Variants in GPC6 observed in about 807,000 individuals in gnomAD.
The protein encoded by GPC6 is glypican-6.
Under a neutral mutation model 55.2 loss-of-function variants are expected in GPC6, and 14 were observed. The ratio of observed to expected loss-of-function variants is 0.25; its 90% CI spans 0.17 to 0.40. The LOEUF is 0.40. Ranked by LOEUF, GPC6 falls within the 10% of genes least tolerant of loss-of-function variation. GPC6 has a pLI of 1.00. For missense variants in GPC6, 641 were observed against 708.5 expected, an observed-to-expected ratio of 0.90 and a Z score of 1.08; for synonymous variants, 278 against 259.6, an observed-to-expected ratio of 1.07 and a Z score of -0.68.
intron 4 of GPC6, among the ~76,000 whole-genome samples, chr13:94,239,827 C>T (rs1890998683): frequency 6.6e-6 from 1 of 152,038 alleles, no homozygotes; most frequent in Non-Finnish European, 1.5e-5. Flanking sequence ...GTGTTCGGCT[C>T]TCAATCCACT....
chr13:93,900,307 C>T (rs1594571371), intron 3 of GPC6, among the ~76,000 whole-genome samples: 1 of 152,222 alleles, frequency 6.6e-6, no homozygotes, highest in East Asian at 1.9e-4. Flanking sequence ...CAGTTGGCCT[C>T]TTCCATATCT....
intron 3 of GPC6, among the ~76,000 whole-genome samples, chr13:93,954,417 C>T (rs932083812): frequency 1.1e-4 from 16 of 152,066 alleles, no homozygotes; most frequent in Admixed American, 7.9e-4. Context: ...CAGGCTCAAG[C>T]GATCCTCCTG....
intron 2 of GPC6, among the ~76,000 whole-genome samples, chr13:93,737,335 G>A (rs1283797755): frequency 2.0e-5 from 3 of 152,130 alleles, no homozygotes; most frequent in African/African-American, 7.2e-5. Flanking sequence ...TTTGATGAAA[G>A]TGCTTAAGAT....
At position 93,655,741 on chromosome 13, in the gene GPC6, G is replaced by T. The variant is rs542680066; in HGVS notation, c.319+110320G>T. 5.3e-5 allele frequency among the ~76,000 whole-genome samples: 8 copies of T among 152,208 alleles called. No individual in the cohort carries two copies. In the South Asian group the frequency reaches 6.2e-4, roughly 12 times the overall value. On this transcript the variant is annotated intron_variant, in intron 2 of 8. Transcript: ENST00000377047. ...TTTCTGCTAACACCTGCCACAAGTAGAATCTAAAAATGTTACGTTAAATTC... is the reference window on the plus strand; with the variant it reads ...TTTCTGCTAACACCTGCCACAAGTATAATCTAAAAATGTTACGTTAAATTC...
chr13:93,414,779 T>C (rs1319782140), intron 1 of GPC6, among the ~76,000 whole-genome samples: 3 of 152,126 alleles, frequency 2.0e-5, no homozygotes, highest in Non-Finnish European at 4.4e-5. Context: ...GAGATATTTA[T>C]TTCCTAGGCT....
intron 2 of GPC6, among the ~76,000 whole-genome samples, chr13:93,600,957 A>G (rs1008315464): frequency 3.6e-4 from 54 of 150,658 alleles, no homozygotes; most frequent in African/African-American, 1.3e-3. Flanking sequence ...CTCAAAAAAA[A>G]AAAAAAAAAG....
At chr13:93,281,004 G>T (rs1035358875) in intron 1 of GPC6, among the ~76,000 whole-genome samples, 95 of 152,140 alleles carry the variant, frequency 6.2e-4, no homozygotes, top group African/African-American at 2.2e-3. Flanking sequence ...ACTGGTGCTG[G>T]TCTGAGGTCC....
At chr13:93,682,614 G>A (rs770251379) in intron 2 of GPC6, among the ~76,000 whole-genome samples, 2 of 152,068 alleles carry the variant, frequency 1.3e-5, no homozygotes, top group African/African-American at 2.4e-5. Flanking sequence ...CTGGTACTAA[G>A]TAGTTCCTAA....
chr13:93,789,486 T>TC (rs1205034291), intron 2 of GPC6, among the ~76,000 whole-genome samples: 1 of 61,870 alleles, frequency 1.6e-5, no homozygotes, highest in Non-Finnish European at 3.2e-5. Context: ...GAGTGAACTC[T>TC]CTCTCTCTCT....
rs1877037000 is a variant in GPC6 at position 94,324,959 on chromosome 13, G to A, written c.1152+18836G>A. On this transcript the variant is annotated intron_variant, in intron 6 of 8. Transcript: ENST00000377047. ...TTCTCTTGAAGAGACTCCCAGGGCC[G>A]AATGTTCTGTTCCCAGGGGCCTAAC... Among the ~76,000 whole-genome samples, 5 of 152,296 alleles carry A rather than the reference G, an allele frequency of 3.3e-5. No individual in the cohort carries two copies. The South Asian group carries it at 8.3e-4, about 25-fold the overall frequency.
intron 3 of GPC6, among the ~76,000 whole-genome samples, chr13:93,843,271 G>C (rs1479161229): frequency 6.6e-6 from 1 of 151,996 alleles, no homozygotes; most frequent in African/African-American, 2.4e-5. Context: ...TGCATGTTTA[G>C]CCTGACTCAC....
intron 2 of GPC6, among the ~76,000 whole-genome samples, chr13:93,799,026 T>A (rs1199952122): frequency 1.3e-5 from 2 of 152,234 alleles, no homozygotes; most frequent in South Asian, 4.1e-4. Flanking sequence ...TAATATGTCT[T>A]AAGATAATAT....
chr13:93,406,984 A>C (rs535419327), intron 1 of GPC6, among the ~76,000 whole-genome samples: 1 of 152,338 alleles, frequency 6.6e-6, no homozygotes, highest in African/African-American at 2.4e-5. Flanking sequence ...ATTTTTAAAA[A>C]GAAAATTTAA....
chr13:94,243,834 G>T (rs1891124318), intron 4 of GPC6, among the ~76,000 whole-genome samples: 1 of 152,102 alleles, frequency 6.6e-6, no homozygotes, highest in African/African-American at 2.4e-5. Context: ...TATTTAGCCA[G>T]ATGAGGGTAA....
chr13:93,236,773 G>C (rs532968965), intron 1 of GPC6, among the ~76,000 whole-genome samples: 2 of 152,036 alleles, frequency 1.3e-5, no homozygotes, highest in Non-Finnish European at 2.9e-5. Context: ...CACTCTATGT[G>C]CCCCTGTGTA....
At chr13:93,789,509 C>CTCTCTCTCTATA (rs1363454667) in intron 2 of GPC6, among the ~76,000 whole-genome samples, 15 of 93,458 alleles carry the variant, frequency 1.6e-4, no homozygotes, top group African/African-American at 6.3e-4. Flanking sequence ...CTCTCTCTCT[C>CTCTCTCTCTATA]TATATATATA....
upstream of GPC6, among the ~76,000 whole-genome samples, chr13:93,224,836 G>A (rs538840740): frequency 5.3e-5 from 8 of 152,292 alleles, no homozygotes; most frequent in African/African-American, 1.9e-4. Flanking sequence ...TAATTCTTTG[G>A]TCTGACTTGA....
chr13:94,052,326 T>C (rs1883977998), intron 4 of GPC6, among the ~76,000 whole-genome samples: 1 of 152,240 alleles, frequency 6.6e-6, no homozygotes, highest in Non-Finnish European at 1.5e-5. Context: ...GCAATGAAGG[T>C]ACTTTGTCTA....
intron 1 of GPC6, among the ~76,000 whole-genome samples, chr13:93,364,885 T>C (rs1394733426): frequency 2.6e-5 from 4 of 151,972 alleles, no homozygotes; most frequent in African/African-American, 9.7e-5. Flanking sequence ...TTGCATACAT[T>C]ACACCTTCAC....
Sources: allele counts gnomAD v4.1 joint callset (sites outside exome capture counted in the v4.1 genomes callset), GRCh38; gene constraint gnomAD v4.1.1; transcripts MANE v1.5; gene names NCBI Gene and HGNC (gene_info 2026-07-23, HGNC 2026-07-21).